CSMD1: variants seen among roughly 807,000 people sequenced by gnomAD.
CSMD1 encodes the protein CUB and sushi domain-containing protein 1.
CSMD1 carries 213 observed loss-of-function variants against 417.5 expected under a neutral mutation model. The ratio of observed to expected loss-of-function variants is 0.51; its 90% CI spans 0.46 to 0.57. The LOEUF is 0.57. CSMD1 is among the 20% of genes least tolerant of loss of function. The probability of loss-of-function intolerance (pLI) is 0.00; values close to 1 mark genes in which losing one functional copy is unlikely to be tolerated. For missense variants in CSMD1, 6,923 were observed against 4,529.7 expected (o/e 1.53, Z -15.17); for synonymous variants, 2,862 against 1,736.8 (o/e 1.65, Z -16.11).
rs370766164 is a variant in CSMD1, at chr8:3,894,380, G to C, written c.818+103523C>G. On this transcript the variant is annotated intron_variant, in intron 5 of 69. Transcript: ENST00000635120. ...AAATGGGTGTTGCAACTCAAGGGGA[G>C]ACACATCCTTCATGGCTTAGACATT... 6.1e-4 allele frequency among the ~76,000 whole-genome samples: 93 copies of C among 152,212 alleles called. 2 individuals carry two copies. The East Asian group carries it at 0.012, about 20-fold the overall frequency.
At chr8:3,181,074 A>G in intron 37 of CSMD1, 36 bp downstream of exon 37, 1 of 1,295,666 alleles carries the variant, frequency 7.7e-7, no homozygotes. Flanking sequence ...ACTCAGTATA[A>G]CAGTGGAAGC....
At chr8:4,621,338 A>C (rs1308315358) in intron 2 of CSMD1, among the ~76,000 whole-genome samples, 1 of 152,094 alleles carries the variant, frequency 6.6e-6, no homozygotes, top group African/African-American at 2.4e-5. Flanking sequence ...TTTTCCACTT[A>C]TGATGTCATG....
intron 26 of CSMD1, among the ~76,000 whole-genome samples, chr8:3,250,471 G>T (rs1248803518): frequency 6.6e-6 from 1 of 152,176 alleles, no homozygotes. Context: ...TTGGGCATTT[G>T]GGTTGGTTCC....
rs150372073 is a variant in CSMD1 at position 3,593,252 on chromosome 8, C to T, written c.1098-6992G>A. ...GAGACAGAACAAGACAGAACCCCCG[C>T]GTTGTGTCTGTGTGTTCAGGAGTAA... On this transcript the variant is annotated intron_variant, in intron 8 of 69. Coordinates refer to ENST00000635120, the MANE Select transcript of CSMD1 (RefSeq NM_033225.6). 6.7e-4 allele frequency among the ~76,000 whole-genome samples: 102 copies of T among 152,330 alleles called. No individual in the cohort carries two copies. In the East Asian group the frequency reaches 0.019, roughly 28 times the overall value.
At chr8:4,881,596 A>G (rs944726924) in intron 1 of CSMD1, among the ~76,000 whole-genome samples, 1 of 150,804 alleles carries the variant, frequency 6.6e-6, no homozygotes, top group Non-Finnish European at 1.5e-5. Context: ...AAATTTATTC[A>G]ATAAATTCAT....
At chr8:3,270,668 T>G (rs990135754) in intron 26 of CSMD1, among the ~76,000 whole-genome samples, 2 of 152,208 alleles carry the variant, frequency 1.3e-5, no homozygotes, top group Non-Finnish European at 2.9e-5. Flanking sequence ...TATCAAGTAC[T>G]TCTGATAATA....
intron 3 of CSMD1, among the ~76,000 whole-genome samples, chr8:4,079,060 G>A (rs1019933315): frequency 2.6e-5 from 4 of 151,658 alleles, no homozygotes; most frequent in Non-Finnish European, 4.4e-5. Flanking sequence ...GAGTGGTCCC[G>A]AATGGAACTT....
At chr8:4,956,048 G>C (rs963235002) in intron 1 of CSMD1, among the ~76,000 whole-genome samples, 2 of 152,182 alleles carry the variant, frequency 1.3e-5, no homozygotes, top group African/African-American at 2.4e-5. Context: ...AAGACCACTT[G>C]CTCCTATCCT....
intron 2 of CSMD1, among the ~76,000 whole-genome samples, chr8:4,429,193 A>C (rs1797731812): frequency 1.3e-5 from 2 of 151,440 alleles, no homozygotes; most frequent in African/African-American, 4.8e-5. Flanking sequence ...TAGAATTCTA[A>C]AAGGATCATG....
chr8:3,986,998 A>G (rs565475924), intron 5 of CSMD1, among the ~76,000 whole-genome samples: 5 of 152,130 alleles, frequency 3.3e-5, no homozygotes, highest in African/African-American at 1.2e-4. Flanking sequence ...CAAATAATCC[A>G]CCTGCCTCAG....
chr8:3,509,031 C>T (rs77198274), intron 10 of CSMD1, among the ~76,000 whole-genome samples: 10,418 of 152,222 alleles, frequency 0.068, 447 homozygotes, highest in Admixed American at 0.14. Flanking sequence ...GCTATCTGAC[C>T]TTGGGCAAGA....
chr8:3,328,687 C>G (rs1387548117), intron 23 of CSMD1, among the ~76,000 whole-genome samples: 1 of 152,052 alleles, frequency 6.6e-6, no homozygotes, highest in Non-Finnish European at 1.5e-5. Flanking sequence ...ACACAAAATA[C>G]GTTGGCAGAG....
intron 10 of CSMD1, among the ~76,000 whole-genome samples, chr8:3,494,014 GTTTAC>G (rs762151170): frequency 6.6e-6 from 1 of 152,116 alleles, no homozygotes. Flanking sequence ...TCTACTAAAT[GTTTAC>G]TTTAACATTC....
intron 1 of CSMD1, among the ~76,000 whole-genome samples, chr8:4,792,983 A>AATATATATATATATATATATATAT (rs34947549): frequency 2.0e-5 from 3 of 148,578 alleles, no homozygotes; most frequent in African/African-American, 7.5e-5. Context: ...ATGTGTATGC[A>AATATATATATATATATATATATAT]ATATATATAT....
chr8:4,493,790 T>C (rs1801842999), intron 2 of CSMD1, among the ~76,000 whole-genome samples: 1 of 152,200 alleles, frequency 6.6e-6, no homozygotes, highest in African/African-American at 2.4e-5. Flanking sequence ...GAATAGTATT[T>C]ACTAAGCTGA....
chr8:3,371,590 C>T (rs910915497), intron 18 of CSMD1, among the ~76,000 whole-genome samples: 1 of 151,818 alleles, frequency 6.6e-6, no homozygotes, highest in African/African-American at 2.4e-5. Context: ...ATAACTTCTT[C>T]CAATTAGTAT....
At chr8:4,138,789 G>C (rs1288329575) in intron 3 of CSMD1, among the ~76,000 whole-genome samples, 1 of 152,136 alleles carries the variant, frequency 6.6e-6, no homozygotes, top group African/African-American at 2.4e-5. Context: ...ACTATGAACA[G>C]TGGCTTTCAT....
At chr8:3,697,165 CT>C (rs1403148584) in intron 7 of CSMD1, among the ~76,000 whole-genome samples, 1 of 152,102 alleles carries the variant, frequency 6.6e-6, no homozygotes, top group Non-Finnish European at 1.5e-5. Context: ...GTTTTTGAAA[CT>C]TTTCATTCAG....
chr8:4,834,642 G>T (rs944584793), intron 1 of CSMD1, among the ~76,000 whole-genome samples: 3 of 151,628 alleles, frequency 2.0e-5, no homozygotes, highest in Admixed American at 6.6e-5. Context: ...GCTAGCTAGT[G>T]AAAAAGAAGA....
Sources: gnomAD v4.1 joint callset for allele counts (sites outside exome capture counted in the v4.1 genomes callset) on GRCh38, gnomAD v4.1.1 for gene constraint, MANE v1.5 for transcripts, NCBI Gene and HGNC (gene_info 2026-07-23, HGNC 2026-07-21) for gene names.